The following COL11A2 variants were observed in gnomAD, a reference collection of about 807,000 sequenced individuals.
COL11A2 encodes collagen type XI alpha 2 chain.
Under a neutral mutation model 273.4 loss-of-function variants are expected in COL11A2, and 116 were observed. The observed-to-expected ratio is 0.42, with a 90% CI of 0.36 to 0.49. The LOEUF is 0.49. COL11A2 is among the 20% of genes least tolerant of loss of function. COL11A2 has a pLI of 0.00. For missense variants in COL11A2, 1,866 were observed against 2,309.0 expected, an observed-to-expected ratio of 0.81 and a Z score of 3.93; for synonymous variants, 782 against 864.2, an observed-to-expected ratio of 0.90 and a Z score of 1.67.
chr6:33,188,446 A>G lies in COL11A2; in HGVS notation c.522T>C (p.Pro174=). The G allele has an allele frequency of 6.2e-7, 1 of 1,612,916 alleles. No homozygotes were observed. Among genetic ancestry groups the G allele is most frequent in the Non-Finnish European group, 8.5e-7 (1 of 1,180,000 alleles). The change falls in exon 4 of 66, where the codon CCT becomes CCC. Residue 174 remains proline (P), a synonymous_variant. Coordinates refer to ENST00000341947, the MANE Select transcript of COL11A2 (RefSeq NM_080680.3). ...IVDCKKRVTR[P]LPRSARPVLD... Reference sequence around the variant, plus strand: ...ATACTGGACGAGCACTTCGGGGGAGAGGCCGGGTGACTCGCTTCTTGCAGT... The same window carrying G: ...ATACTGGACGAGCACTTCGGGGGAGGGGCCGGGTGACTCGCTTCTTGCAGT...
chr6:33,176,878 T>C lies in COL11A2; in HGVS notation c.2071-113A>G, dbSNP rs1583335733. On this transcript the variant is annotated intron_variant, in intron 25 of 65. Coordinates refer to ENST00000341947, the MANE Select transcript of COL11A2 (RefSeq NM_080680.3). This position sits in a 1 kb window ranked among gnomAD's most constrained non-coding sequence, Gnocchi z 4.9. ...GTGACCTAGTGAAGCCAACTGTCCATGGACAAGCACCACCAGTGACCTTTC... is the reference window on the plus strand; with the variant it reads ...GTGACCTAGTGAAGCCAACTGTCCACGGACAAGCACCACCAGTGACCTTTC... 6.5e-7 allele frequency: 1 copy of C among 1,535,868 alleles called. No homozygotes were observed. The highest frequency in any genetic ancestry group is 1.2e-5 in the South Asian group (1 of 85,366).
intron 39 of COL11A2, 22 bp from the exon 40 acceptor site, chr6:33,172,400 T>C: frequency 6.4e-7 from 1 of 1,572,320 alleles, no homozygotes; most frequent in East Asian, 2.3e-5. Context: ...GGAGAGGTGA[T>C]GAGCCACAGC....
Position 33,172,296 on chromosome 6 carries a change from C to T in COL11A2, c.2981G>A (p.Gly994Asp), listed in dbSNP as rs1453021846. The T allele has an allele frequency of 6.3e-7, 1 of 1,584,736 alleles. No individual in the cohort carries two copies. The highest frequency in any genetic ancestry group is 8.6e-7 in the Non-Finnish European group (1 of 1,166,108). ...RGFPGERGLP[G>D]TAGGPGLKGN... ...TCTGGGAGTCACACTCACAGCAGTG[C>T]CTGGGAGGCCTCTCTCTCCTGGGAA... Residue 994 changes from glycine (G) to aspartate (D), a missense_variant, in exon 40 of 66, where the codon GGC becomes GAC. Physicochemically the swap from Gly to Asp is moderately conservative, Grantham distance 94 (BLOSUM62 -1). Transcript: ENST00000341947.
intron 4 of COL11A2, 60 bp downstream of exon 4, chr6:33,188,302 G>A: frequency 6.3e-7 from 1 of 1,594,196 alleles, no homozygotes; most frequent in Non-Finnish European, 8.6e-7. Context: ...GGGGCCAGAA[G>A]GGTAGTGGGC....
intron 4 of COL11A2, 76 bp downstream of exon 4, chr6:33,188,286 C>A: frequency 6.5e-7 from 1 of 1,546,764 alleles, no homozygotes; most frequent in Non-Finnish European, 8.9e-7. Flanking sequence ...AGGAAGATGA[C>A]ATGCTGGGGC....
At position 33,167,061 on chromosome 6, in the gene COL11A2, G is replaced by A. The variant is rs1769255251; in HGVS notation, c.4230+9C>T. On this transcript the variant is annotated intron_variant, in intron 58 of 65. Coordinates refer to ENST00000341947, the MANE Select transcript of COL11A2 (RefSeq NM_080680.3). The surrounding 1 kb of genome is among the most constrained non-coding windows in gnomAD (Gnocchi z 6.1). ...GAGACACCTGGCCACGTGTCTGTCT[G>A]TCACTCACCTTCTCTCCCTTGGCTC... 1 of 1,613,324 alleles carries A rather than the reference G, an allele frequency of 6.2e-7. No individual in the cohort carries two copies. Among genetic ancestry groups the A allele is most frequent in the African/African-American group, 1.3e-5 (1 of 74,860 alleles).
In COL11A2 at chr6:33,166,527, G is replaced by T. The variant is rs1043741488; in HGVS notation, c.4378C>A (p.Pro1460Thr). 3.1e-6 allele frequency: 5 copies of T among 1,613,598 alleles called. No individual in the cohort carries two copies. The highest frequency in any genetic ancestry group is 1.7e-5 in the Admixed American group (1 of 59,974). The change falls in exon 60 of 66, where the codon CCC becomes ACC. Residue 1460 changes from proline to threonine, a missense_variant. Transcript: ENST00000341947. The surrounding 1 kb of genome is among the most constrained non-coding windows in gnomAD (Gnocchi z 4.8). ...GASGPIGPGG[P>T]PGLPGPAGPK... ...GCAGTACTCACGGGGAGGCCGGGGGGACCTCCAGGACCAATGGGGCCGGAT... is the reference window on the plus strand; with the variant it reads ...GCAGTACTCACGGGGAGGCCGGGGGTACCTCCAGGACCAATGGGGCCGGAT...
At position 33,179,210 on chromosome 6, in the gene COL11A2, G is replaced by A. The variant is rs749229045; in HGVS notation, c.1557+21C>T. On this transcript the variant is annotated intron_variant, in intron 15 of 65. Coordinates refer to ENST00000341947, the MANE Select transcript of COL11A2 (RefSeq NM_080680.3). The surrounding 1 kb of genome is among the most constrained non-coding windows in gnomAD (Gnocchi z 6.4). ...TGAGCTGGTGAACAGATATGGGGGT[G>A]CAGTGGAGGAAAGTGGTCACCTGAG... 1 of 1,612,034 alleles carries A rather than the reference G, an allele frequency of 6.2e-7. No homozygotes were observed. Among genetic ancestry groups the A allele is most frequent in the Non-Finnish European group, 8.5e-7 (1 of 1,179,328 alleles).
rs1365931104 is a variant in COL11A2, at chr6:33,174,158, A to G, written c.2484+7T>C. 1.3e-6 allele frequency: 2 copies of G among 1,580,320 alleles called. No individual in the cohort carries two copies. The highest frequency in any genetic ancestry group is 2.4e-5 in the East Asian group (1 of 42,478). ...CCCTTCTCACGCCCTCCCACCCCCC[A>G]GCTTACCCGGGCTCCCTTCTCTCCA... On this transcript the variant is annotated splice_region_variant and intron_variant, in intron 32 of 65. Transcript: ENST00000341947.
In COL11A2 at chr6:33,165,426, C is replaced by G; in HGVS notation, c.4750+123G>C. 1.4e-6 allele frequency: 2 copies of G among 1,452,700 alleles called. No homozygotes were observed. Among genetic ancestry groups the G allele is most frequent in the Non-Finnish European group, 1.9e-6 (2 of 1,050,636 alleles). 90.0% of individuals were successfully genotyped at this position (1,452,700 alleles called of 1,614,324 possible). ...ACCTGGTTAGTAAATAGCTGCAGTT[C>G]CCAGCCCCTCAGCCCTCACCCTTAA... On this transcript the variant is annotated intron_variant, in intron 63 of 65. Coordinates refer to ENST00000341947, the MANE Select transcript of COL11A2 (RefSeq NM_080680.3). The surrounding 1 kb of genome is among the most constrained non-coding windows in gnomAD (Gnocchi z 7.7).
intron 40 of COL11A2, 34 bp downstream of exon 40, chr6:33,172,255 T>C (rs764140837): frequency 1.5e-5 from 24 of 1,584,484 alleles, no homozygotes; most frequent in Non-Finnish European, 2.1e-5. Flanking sequence ...TGCTTGGTGC[T>C]TGTGACAGGC....
chr6:33,174,486 G>A (rs1337942181), intron 31 of COL11A2, 41 bp downstream of exon 31: 4 of 1,606,900 alleles, frequency 2.5e-6, no homozygotes, highest in African/African-American at 1.3e-5. Context: ...CGAAGAGGAG[G>A]AGGGAAGAGG....
chr6:33,164,122 T>C lies in COL11A2; in HGVS notation c.5070+145A>G. 9.6e-7 allele frequency: 1 copy of C among 1,046,114 alleles called. No homozygotes were observed. The highest frequency in any genetic ancestry group is 1.4e-6 in the Non-Finnish European group (1 of 726,730). The allele number at this position is 1,046,114 out of a possible 1,614,324, so 64.8% of individuals were successfully genotyped here. Reference sequence around the variant, plus strand: ...TCCTTTCCACCTTCCTCACCGGCTTTTGAGCTCCCTCAGGCATCCCTGACA... The same window carrying C: ...TCCTTTCCACCTTCCTCACCGGCTTCTGAGCTCCCTCAGGCATCCCTGACA... On this transcript the variant is annotated intron_variant, in intron 65 of 65. Coordinates refer to ENST00000341947, the MANE Select transcript of COL11A2 (RefSeq NM_080680.3). The surrounding 1 kb of genome is among the most constrained non-coding windows in gnomAD (Gnocchi z 4.7).
At position 33,189,579 on chromosome 6, in the gene COL11A2, G is replaced by A. The variant is rs749416375; in HGVS notation, c.83-110C>T. ...TTCCAGGGCTCAAACTCCCTGCAAG[G>A]GAAAGGTCACCTCACCCTCACTTGC... On this transcript the variant is annotated intron_variant, in intron 1 of 65. Coordinates refer to ENST00000341947, the MANE Select transcript of COL11A2 (RefSeq NM_080680.3). The surrounding 1 kb of genome is among the most constrained non-coding windows in gnomAD (Gnocchi z 5.6). 19 of 1,414,486 alleles carry A rather than the reference G, an allele frequency of 1.3e-5. No homozygotes were observed. The highest frequency in any genetic ancestry group is 1.9e-5 in the Non-Finnish European group (19 of 1,026,974). The allele number at this position is 1,414,486 out of a possible 1,614,324, so 87.6% of individuals were successfully genotyped here. A position where few individuals can be genotyped will look rare whatever the true frequency, so the allele number is the denominator to read the frequency against.
chr6:33,172,230 G>T (rs573714023), intron 40 of COL11A2, 59 bp downstream of exon 40: 18 of 1,574,346 alleles, frequency 1.1e-5, no homozygotes, highest in Admixed American at 8.6e-5. Flanking sequence ...ACAGGGTCGG[G>T]GTGGGGACTC....
Position 33,172,335 on chromosome 6 carries a change from G to T in COL11A2, c.2942C>A (p.Ala981Asp). The change falls in exon 40 of 66, where the codon GCT becomes GAT. Residue 981 changes from alanine to aspartate, a missense_variant. Coordinates refer to ENST00000341947, the MANE Select transcript of COL11A2 (RefSeq NM_080680.3). ...PPGAPGKDGP[A>D]GLRGFPGERG... is the part of the protein sequence containing the mutation. The stretch of plus-strand genomic sequence containing the variant: ...CTCTCCTGGGAATCCCCTCAGACCA[G>T]CAGGACCATCCTTCCCTGGGGCCCC... The T allele has an allele frequency of 1.3e-6, 2 of 1,590,076 alleles. No homozygotes were observed. Among genetic ancestry groups the T allele is most frequent in the Non-Finnish European group, 1.7e-6 (2 of 1,169,104 alleles).
Position 33,189,447 on chromosome 6 carries a change from G to C in COL11A2, c.105C>G (p.Leu35=), listed in dbSNP as rs1427807336. The C allele has an allele frequency of 6.2e-7, 1 of 1,613,060 alleles. No homozygotes were observed. Among genetic ancestry groups the C allele is most frequent in the South Asian group, 1.1e-5 (1 of 91,084 alleles). The stretch of plus-strand genomic sequence containing the variant: ...GGAGGGAGGGGAACCTCAGGGCCCG[G>C]AGCACATCCACAGGGGGTGCACCTG... ...GWAGAPPVDV[L]RALRFPSLPD... The change falls in exon 2 of 66, where the codon CTC becomes CTG. Residue 35 remains leucine (L), a synonymous_variant. Transcript: ENST00000341947. The surrounding 1 kb of genome is among the most constrained non-coding windows in gnomAD (Gnocchi z 5.6).
Position 33,179,383 on chromosome 6 carries a change from C to A in COL11A2, c.1503+48G>T. The A allele has an allele frequency of 6.4e-7, 1 of 1,567,560 alleles. No individual in the cohort carries two copies. The highest frequency in any genetic ancestry group is 1.3e-5 in the African/African-American group (1 of 74,200). ...AGCCCCTTTCCAGAACTATCCACAC[C>A]CCACACACAATTAAAGCATCCTCCA... On this transcript the variant is annotated intron_variant, in intron 14 of 65. Coordinates refer to ENST00000341947, the MANE Select transcript of COL11A2 (RefSeq NM_080680.3). The surrounding 1 kb of genome is among the most constrained non-coding windows in gnomAD (Gnocchi z 6.4).
Position 33,167,957 on chromosome 6 carries a change from G to A in COL11A2, c.3961-105C>T, listed in dbSNP as rs1769424695. The A allele has an allele frequency of 9.7e-6, 12 of 1,231,016 alleles. No homozygotes were observed. Among genetic ancestry groups the A allele is most frequent in the Middle Eastern group, 1.9e-4 (1 of 5,360 alleles). The allele number at this position is 1,231,016 out of a possible 1,614,324, so 76.3% of individuals were successfully genotyped here. A position where few individuals can be genotyped will look rare whatever the true frequency, so the allele number is the denominator to read the frequency against. Reference sequence around the variant, plus strand: ...CACACATACACATGCACACACACACGTGCATACACAGGGACACGCGCCGAG... The same window carrying A: ...CACACATACACATGCACACACACACATGCATACACAGGGACACGCGCCGAG... On this transcript the variant is annotated intron_variant, in intron 54 of 65. Coordinates refer to ENST00000341947, the MANE Select transcript of COL11A2 (RefSeq NM_080680.3). The surrounding 1 kb of genome is among the most constrained non-coding windows in gnomAD (Gnocchi z 6.1).
Sources: gnomAD v4.1 joint callset for allele counts on GRCh38, gnomAD v4.1.1 for gene constraint, Gnocchi (gnomAD v3.1) non-coding constraint, MANE v1.5 for transcripts, NCBI Gene and HGNC (gene_info 2026-07-23, HGNC 2026-07-21) for gene names.